The following THBS3 variants were observed in gnomAD, a reference collection of about 807,000 sequenced individuals.
THBS3 encodes the protein thrombospondin 3, also known as thrombospondin-3.
THBS3 carries 78 observed loss-of-function variants against 118.3 expected under a neutral mutation model. The observed-to-expected ratio is 0.66, with a 90% confidence interval of 0.55 to 0.80. The LOEUF is 0.80. THBS3 is among the 30% of genes least tolerant of loss of function. The pLI, the probability that THBS3 is intolerant of heterozygous loss-of-function variation, is 0.00. For synonymous variants in THBS3, 427 were observed against 475.3 expected (o/e 0.90, Z 1.32); for missense variants, 1,057 against 1,247.4 (o/e 0.85, Z 2.30).
At position 155,195,832 on chromosome 1, in the gene THBS3, GCCT is replaced by G. The variant is rs532312025; in HGVS notation, c.*6_*8del. The stretch of plus-strand genomic sequence containing the variant: ...AAAATTCTGAATTCTGAATCTGGTG[GCCT>G]CCTCCTCACACCCTTCCCTGGAGCA... On this transcript the variant is annotated 3_prime_UTR_variant, in exon 23 of 23. Coordinates refer to ENST00000368378, the MANE Select transcript of THBS3 (RefSeq NM_007112.5). 2.0e-3 allele frequency: 3,149 copies of G among 1,613,568 alleles called. 11 individuals carry two copies. The highest frequency in any genetic ancestry group is 2.2e-3 in the Non-Finnish European group (2,633 of 1,179,950).
rs368199897 is a variant in THBS3, at chr1:155,201,608, G to A, written c.1177-39C>T. On this transcript the variant is annotated intron_variant, in intron 10 of 22. Coordinates refer to ENST00000368378, the MANE Select transcript of THBS3 (RefSeq NM_007112.5). ...GGCAGCATCTTAGGAAGGAGGGTGA[G>A]CCCACCAGGCACCCAGGACCAGCAC... The A allele has an allele frequency of 2.5e-6, 4 of 1,596,972 alleles. No individual in the cohort carries two copies. The African/African-American group carries it at 5.4e-5, about 21-fold the overall frequency.
rs371043763 is a variant in THBS3 at position 155,203,317 on chromosome 1, C to A, written c.674-12G>T. ...CTTGGTCTGCTCCCCTGTCGGGACC[C>A]AGGGTGTGAGGGGTTCAGTACTGGA... On this transcript the variant is annotated splice_polypyrimidine_tract_variant and intron_variant, in intron 5 of 22. Transcript: ENST00000368378. 1 of 1,613,670 alleles carries A rather than the reference C, an allele frequency of 6.2e-7. No homozygotes were observed. The highest frequency in any genetic ancestry group is 8.5e-7 in the Non-Finnish European group (1 of 1,179,862).
Position 155,201,209 on chromosome 1 carries a change from G to A in THBS3, c.1330-5C>T, listed in dbSNP as rs776353421. 1.2e-6 allele frequency: 2 copies of A among 1,613,964 alleles called. No individual in the cohort carries two copies. The highest frequency in any genetic ancestry group is 1.1e-5 in the South Asian group (1 of 91,078). ...CCCAGCCCAGCCCACGTTACACTAG[G>A]GCAACACAAAGGGTAGGAGCTAGCA... On this transcript the variant is annotated splice_region_variant and splice_polypyrimidine_tract_variant and intron_variant, in intron 11 of 22. Transcript: ENST00000368378.
At position 155,205,312 on chromosome 1, in the gene THBS3, C is replaced by A. The variant is rs1433952387; in HGVS notation, c.291G>T (p.Leu97=). ...ASVVGKINKV[L]VRYQREDGKV... The stretch of plus-strand genomic sequence containing the variant: ...TGCCATCCTCCCGCTGGTATCGCAC[C>A]AGTACTGCCCAGGAGGGGAGATCAG... Residue 97 remains leucine (L), a synonymous_variant, in exon 3 of 23, where the codon CTG becomes CTT. Coordinates refer to ENST00000368378, the MANE Select transcript of THBS3 (RefSeq NM_007112.5). 6.2e-7 allele frequency: 1 copy of A among 1,613,438 alleles called. No individual in the cohort carries two copies. The highest frequency in any genetic ancestry group is 8.5e-7 in the Non-Finnish European group (1 of 1,179,780).
Position 155,207,878 on chromosome 1 carries a change from C to G in THBS3, c.-2G>C. 6.2e-7 allele frequency: 1 copy of G among 1,613,806 alleles called. No homozygotes were observed. Among genetic ancestry groups the G allele is most frequent in the South Asian group, 1.1e-5 (1 of 91,074 alleles). On this transcript the variant is annotated 5_prime_UTR_variant, in exon 1 of 23. Coordinates refer to ENST00000368378, the MANE Select transcript of THBS3 (RefSeq NM_007112.5). Reference sequence around the variant, plus strand: ...CCCCCGAAGTTCCTGCGTCTCCATGCCTCTCAGCCGGCTCACTACCCCTGG... The same window carrying G: ...CCCCCGAAGTTCCTGCGTCTCCATGGCTCTCAGCCGGCTCACTACCCCTGG...
chr1:155,206,898 A>G lies in THBS3; in HGVS notation c.80-492T>C, dbSNP rs1212478762. On this transcript the variant is annotated intron_variant, in intron 1 of 22. Transcript: ENST00000368378. This position sits in a 1 kb window ranked among gnomAD's most constrained non-coding sequence, Gnocchi z 4.2. ...TCAACCCTTGTTGCTCTCAGAGGAC[A>G]GAGGCACTGTGCCTTCCTTTCCCCA... is the stretch of plus-strand genomic sequence containing the variant. Among the ~76,000 whole-genome samples the G allele has an allele frequency of 6.6e-6, 1 of 152,128 alleles. No individual in the cohort carries two copies. The highest frequency in any genetic ancestry group is 2.4e-5 in the African/African-American group (1 of 41,438).
chr1:155,202,387 G>A lies in THBS3; in HGVS notation c.972C>T (p.Asp324=), dbSNP rs994412520. ...CSDINECAHA[D]PCFPGSSCIN... is the part of the protein sequence containing the mutation. The stretch of plus-strand genomic sequence containing the variant: ...TGCAGCTGGAGCCCGGGAAACAGGG[G>A]TCAGCGTGAGCACACTGGGGACCAG... The change falls in exon 9 of 23, where the codon GAC becomes GAT. Residue 324 remains aspartate, a synonymous_variant. Transcript: ENST00000368378. The surrounding 1 kb of genome is among the most constrained non-coding windows in gnomAD (Gnocchi z 5.5). The A allele has an allele frequency of 5.0e-6, 8 of 1,613,928 alleles. No homozygotes were observed. Among genetic ancestry groups the A allele is most frequent in the Non-Finnish European group, 6.8e-6 (8 of 1,179,974 alleles).
chr1:155,200,182 G>A (rs1669476113), intron 14 of THBS3, 69 bp from the exon 15 acceptor site: 1 of 1,408,736 alleles, frequency 7.1e-7, no homozygotes, highest in African/African-American at 1.4e-5. Flanking sequence ...GTTGGTGAAA[G>A]TCCCGAACTT....
chr1:155,203,369 A>G, intron 5 of THBS3, 64 bp from the exon 6 acceptor site: 1 of 1,598,682 alleles, frequency 6.3e-7, no homozygotes, highest in East Asian at 2.3e-5. Context: ...CTCCATGGGC[A>G]ATAAGCCAGT....
At chr1:155,204,404 A>G (rs1008297456) in intron 4 of THBS3, among the ~76,000 whole-genome samples, 8 of 151,968 alleles carry the variant, frequency 5.3e-5, no homozygotes, top group African/African-American at 1.9e-4. Context: ...AGCCTGGCCA[A>G]CGTGGTGAAA....
At chr1:155,198,898 TC>T (rs1669154443) in intron 16 of THBS3, among the ~76,000 whole-genome samples, 1 of 152,150 alleles carries the variant, frequency 6.6e-6, no homozygotes, top group African/African-American at 2.4e-5. Flanking sequence ...GGCGGGCAGA[TC>T]ACCTGAGGTC....
chr1:155,201,368 C>T (rs1475150181), intron 11 of THBS3, 49 bp downstream of exon 11: 1 of 1,571,344 alleles, frequency 6.4e-7, no homozygotes, highest in Non-Finnish European at 8.6e-7. Context: ...TAGCCCTACT[C>T]CTTTCCCCAG....
At position 155,200,105 on chromosome 1, in the gene THBS3, T is replaced by G; in HGVS notation, c.1717A>C (p.Asn573His). 1.3e-6 allele frequency: 2 copies of G among 1,566,038 alleles called. No individual in the cohort carries two copies. Among genetic ancestry groups the G allele is most frequent in the Admixed American group, 1.9e-5 (1 of 53,160 alleles). The change falls in exon 15 of 23, where the codon AAT (asparagine) becomes CAT (histidine). Residue 573 changes from asparagine (N) to histidine (H), a missense_variant. By Grantham distance (68) the Asn-to-His change is moderately conservative. Around this residue, in one of 3 missense-constraint regions of THBS3, gnomAD observed 544 missense variants for 715.6 expected, o/e 0.76. Coordinates refer to ENST00000368378, the MANE Select transcript of THBS3 (RefSeq NM_007112.5). ...DNDVDGDGIP[N>H]GLDNCPKVPN... is the part of the protein sequence containing the mutation. ...ACTTTAGGGCAATTGTCCAATCCAT[T>G]GGGGATGCCTAGAAGACATGGGTAG...
At position 155,202,012 on chromosome 1, in the gene THBS3, C is replaced by G; in HGVS notation, c.1121G>C (p.Cys374Ser). The change falls in exon 10 of 23, where the codon TGC becomes TCC. Residue 374 changes from cysteine to serine, a missense_variant. Physicochemically the swap from Cys to Ser is moderately radical, Grantham distance 112 (BLOSUM62 -1). This residue lies in a region of THBS3 where 544 missense variants were observed against 715.6 expected (regional missense o/e 0.76). Coordinates refer to ENST00000368378, the MANE Select transcript of THBS3 (RefSeq NM_007112.5). The surrounding 1 kb of genome is among the most constrained non-coding windows in gnomAD (Gnocchi z 5.5). ...SKQVCNDIDECNDGNNGGCDP... is the reference protein window; with the variant it reads ...SKQVCNDIDESNDGNNGGCDP... ...ACAGCCACCATTGTTGCCATCGTTG[C>G]ATTCATCGATGTCATTGCAGACCTG... The G allele has an allele frequency of 6.2e-7, 1 of 1,614,154 alleles. No homozygotes were observed. Among genetic ancestry groups the G allele is most frequent in the Non-Finnish European group, 8.5e-7 (1 of 1,180,020 alleles).
At chr1:155,203,463 C>T in intron 5 of THBS3, 50 bp downstream of exon 5, 1 of 1,610,442 alleles carries the variant, frequency 6.2e-7, no homozygotes, top group Non-Finnish European at 8.5e-7. Context: ...CTGCCAGAGC[C>T]TGGGGCCTCC....
upstream of THBS3, chr1:155,208,705 CAG>C: frequency 3.9e-6 from 5 of 1,268,188 alleles, no homozygotes; most frequent in Non-Finnish European, 3.1e-6. Flanking sequence ...ACCCAAGCCC[CAG>C]CCCGGCCTCC....
rs192389581 is a variant in THBS3 at position 155,200,915 on chromosome 1, A to G, written c.1530T>C (p.Asp510=). The stretch of plus-strand genomic sequence containing the variant: ...GAGTCACCTCAACATTCTTGATCCC[A>G]TCCCCATCAGCATCATCATCACACT... ...GDQCDDDADG[D]GIKNVEDNCR... Residue 510 remains aspartate (D), a synonymous_variant, in exon 13 of 23, where the codon GAT becomes GAC. Transcript: ENST00000368378. 1.9e-6 allele frequency: 3 copies of G among 1,614,076 alleles called. No individual in the cohort carries two copies. In the East Asian group the frequency reaches 6.7e-5, roughly 36 times the overall value.
At chr1:155,198,796 G>T in intron 16 of THBS3, 194 bp from the exon 17 acceptor site, 1 of 583,904 alleles carries the variant, frequency 1.7e-6, no homozygotes, top group Non-Finnish European at 3.0e-6. Context: ...TAGCAATAGA[G>T]AATTAAGGCT....
Position 155,200,518 on chromosome 1 carries a change from G to T in THBS3, c.1641C>A (p.Asn547Lys), listed in dbSNP as rs202231439. The T allele has an allele frequency of 1.2e-6, 2 of 1,614,020 alleles. No individual in the cohort carries two copies. The highest frequency in any genetic ancestry group is 1.7e-6 in the Non-Finnish European group (2 of 1,180,054). ...DACDNCPNVPNNDQKDTDGNG... is the reference protein window; with the variant it reads ...DACDNCPNVPKNDQKDTDGNG... ...TGCCATCTGTGTCCTTCTGGTCATT[G>T]TTGGGAACGTTGGGGCAATTGTCAC... Residue 547 changes from asparagine (N) to lysine (K), a missense_variant, in exon 14 of 23, where the codon AAC becomes AAA. Physicochemically the swap from Asn to Lys is moderately conservative, Grantham distance 94. This residue lies in a region of THBS3 where 544 missense variants were observed against 715.6 expected (regional missense o/e 0.76). Coordinates refer to ENST00000368378, the MANE Select transcript of THBS3 (RefSeq NM_007112.5).
Sources: gnomAD v4.1 joint callset for allele counts (sites outside exome capture counted in the v4.1 genomes callset) on GRCh38, gnomAD v4.1.1 for gene constraint, gnomAD v4.1.1 regional missense constraint, Gnocchi (gnomAD v3.1) non-coding constraint, MANE v1.5 for transcripts, NCBI Gene and HGNC (gene_info 2026-07-23, HGNC 2026-07-21) for gene names.